Variants in LINGO2 observed in about 807,000 individuals in gnomAD.
LINGO2 encodes the protein leucine-rich repeat and immunoglobulin-like domain-containing nogo receptor-interacting protein 2.
Under a neutral mutation model 30.6 loss-of-function variants are expected in LINGO2, and 14 were observed. The ratio of observed to expected loss-of-function variants is 0.46; its 90% CI spans 0.30 to 0.72. The LOEUF is 0.72. Ranked by LOEUF, LINGO2 falls within the 30% of genes least tolerant of loss-of-function variation. The probability of loss-of-function intolerance (pLI) is 0.07; values close to 1 mark genes in which losing one functional copy is unlikely to be tolerated. For synonymous variants in LINGO2, 317 were observed against 288.5 expected, an observed-to-expected ratio of 1.10 and a Z score of -1.00; for missense variants, 729 against 751.7, an observed-to-expected ratio of 0.97 and a Z score of 0.35.
the LINGO2 span, among the ~76,000 whole-genome samples, chr9:28,761,261 C>G: frequency 2.6e-5 from 4 of 151,800 alleles, no homozygotes; most frequent in Admixed American, 2.6e-4. Flanking sequence ...AGGTTTAGAT[C>G]TTTCTCAAGC....
At chr9:28,241,267 C>CAAAAAA (rs1164724626) in intron 4 of LINGO2, among the ~76,000 whole-genome samples, 1 of 83,596 alleles carries the variant, frequency 1.2e-5, no homozygotes, top group Non-Finnish European at 2.3e-5. Flanking sequence ...GACCCTGTCT[C>CAAAAAA]AAAAAAAAAA....
the LINGO2 span, among the ~76,000 whole-genome samples, chr9:28,820,184 G>A: frequency 7.0e-4 from 106 of 150,844 alleles, no homozygotes; most frequent in African/African-American, 2.4e-3. Flanking sequence ...GTTTTTTCCT[G>A]AGCATTATAT....
chr9:28,688,320 G>A, the LINGO2 span, among the ~76,000 whole-genome samples: 2 of 152,110 alleles, frequency 1.3e-5, no homozygotes, highest in Admixed American at 6.6e-5. Context: ...CCTTCTCAAA[G>A]GCTCACTGAG....
intron 1 of LINGO2, among the ~76,000 whole-genome samples, chr9:28,595,064 G>C (rs575621487): frequency 6.6e-6 from 1 of 151,922 alleles, no homozygotes; most frequent in Non-Finnish European, 1.5e-5. Flanking sequence ...ATATTCATGA[G>C]CATAAATAGT....
intron 4 of LINGO2, among the ~76,000 whole-genome samples, chr9:28,149,427 GC>G (rs1827920581): frequency 6.7e-6 from 1 of 149,646 alleles, no homozygotes; most frequent in Admixed American, 6.6e-5. Flanking sequence ...CTGCCCAGCT[GC>G]CCCACCATCT....
At chr9:29,100,138 A>G in the LINGO2 span, among the ~76,000 whole-genome samples, 2 of 152,228 alleles carry the variant, frequency 1.3e-5, no homozygotes, top group East Asian at 3.8e-4. Context: ...ATAAAGACAG[A>G]CATCACATAT....
intron 4 of LINGO2, among the ~76,000 whole-genome samples, chr9:28,017,431 T>C (rs1415878495): frequency 1.3e-5 from 2 of 152,202 alleles, no homozygotes; most frequent in South Asian, 2.1e-4. Context: ...ACCGTATTCC[T>C]AGAAAATCCC....
the LINGO2 span, among the ~76,000 whole-genome samples, chr9:29,142,294 C>A: frequency 6.6e-6 from 1 of 151,756 alleles, no homozygotes; most frequent in Admixed American, 6.6e-5. Flanking sequence ...AGACAATATA[C>A]TTCTGAACAA....
Position 28,654,486 on chromosome 9 carries a change from T to G in LINGO2, c.-365+15714A>C, listed in dbSNP as rs1364959143. On this transcript the variant is annotated intron_variant, in intron 1 of 5. Coordinates refer to ENST00000379992, the Ensembl canonical transcript of LINGO2. ...ATGATAGAACATGAATTGGATTGAT[T>G]GAGTATCAGGAGACCTCAATTTTAC... is the stretch of plus-strand genomic sequence containing the variant. Among the ~76,000 whole-genome samples, 10 of 66,032 alleles carry G rather than the reference T, an allele frequency of 1.5e-4. 1 individual carries two copies. The highest frequency in any genetic ancestry group is 2.6e-4 in the Non-Finnish European group (10 of 37,818). The allele number at this position is 66,032 out of a possible 152,430, so 43.3% of individuals were successfully genotyped here.
the LINGO2 span, among the ~76,000 whole-genome samples, chr9:28,990,690 G>A: frequency 4.6e-5 from 7 of 152,100 alleles, no homozygotes; most frequent in African/African-American, 7.2e-5. Context: ...AGCAGCATTC[G>A]CGGTTCACGA....
chr9:28,600,550 C>T (rs942419548), intron 1 of LINGO2, among the ~76,000 whole-genome samples: 4 of 152,046 alleles, frequency 2.6e-5, no homozygotes, highest in Non-Finnish European at 5.9e-5. Context: ...GCATGAGAAT[C>T]TGTCTGTGAA....
At chr9:29,203,937 A>C in the LINGO2 span, among the ~76,000 whole-genome samples, 1 of 152,346 alleles carries the variant, frequency 6.6e-6, no homozygotes, top group East Asian at 1.9e-4. Flanking sequence ...CCAAAGAAAA[A>C]GGAAAAAATA....
chr9:27,993,351 TCTC>T (rs1460849113), intron 5 of LINGO2, among the ~76,000 whole-genome samples: 1 of 152,104 alleles, frequency 6.6e-6, no homozygotes, highest in Non-Finnish European at 1.5e-5. Context: ...CCATATGAAT[TCTC>T]CTACGTGTTG....
intron 4 of LINGO2, among the ~76,000 whole-genome samples, chr9:28,270,666 T>C (rs1822907652): frequency 6.6e-6 from 1 of 152,140 alleles, no homozygotes; most frequent in Non-Finnish European, 1.5e-5. Flanking sequence ...TGAATATGTT[T>C]TGAAGGCTCT....
the LINGO2 span, among the ~76,000 whole-genome samples, chr9:29,068,112 G>A: frequency 1.3e-5 from 2 of 151,810 alleles, no homozygotes; most frequent in Non-Finnish European, 3.0e-5. Context: ...GACAAAAGTT[G>A]TGGGAAAATA....
At chr9:29,069,430 A>G in the LINGO2 span, among the ~76,000 whole-genome samples, 1 of 144,336 alleles carries the variant, frequency 6.9e-6, no homozygotes, top group Non-Finnish European at 1.5e-5. Context: ...TTAGTATTAT[A>G]TAATGTATCT....
chr9:28,987,981 T>C, the LINGO2 span, among the ~76,000 whole-genome samples: 1 of 152,180 alleles, frequency 6.6e-6, no homozygotes, highest in Non-Finnish European at 1.5e-5. Context: ...GTTTTAGGTT[T>C]GCCTTAGAAG....
the LINGO2 span, among the ~76,000 whole-genome samples, chr9:29,186,272 T>C: frequency 2.0e-5 from 3 of 152,282 alleles, no homozygotes; most frequent in East Asian, 5.8e-4. Context: ...ATAACTCTGC[T>C]TTTTCTTCAA....
intron 2 of LINGO2, among the ~76,000 whole-genome samples, chr9:28,417,022 T>C (rs913203726): frequency 4.6e-5 from 7 of 152,154 alleles, no homozygotes; most frequent in Non-Finnish European, 1.0e-4. Context: ...TACATAAGTA[T>C]GTAGATTGTA....
Sources: gnomAD v4.1 joint callset for allele counts (sites outside exome capture counted in the v4.1 genomes callset) on GRCh38, gnomAD v4.1.1 for gene constraint, MANE v1.5 for transcripts, NCBI Gene and HGNC (gene_info 2026-07-23, HGNC 2026-07-21) for gene names.